PRELID2: variants seen among roughly 807,000 people sequenced by gnomAD.
PRELID2 encodes the protein PRELI domain-containing protein 2.
Under a neutral mutation model 28.4 loss-of-function variants are expected in PRELID2, and 25 were observed. The observed-to-expected ratio is 0.88, with a 90% confidence interval of 0.64 to 1.23. The LOEUF (loss-of-function observed/expected upper bound fraction) is 1.23, where lower values mean the gene tolerates loss of function less well. PRELID2 is among the 50% of genes most tolerant of loss of function. PRELID2 has a pLI of 0.00. For synonymous variants in PRELID2, 76 were observed against 71.6 expected, an observed-to-expected ratio of 1.06 and a Z score of -0.31; for missense variants, 201 against 214.4, an observed-to-expected ratio of 0.94 and a Z score of 0.39.
chr5:145,681,613 C>T (rs1448554874), intron 1 of PRELID2, among the ~76,000 whole-genome samples: 1 of 152,122 alleles, frequency 6.6e-6, no homozygotes, highest in Non-Finnish European at 1.5e-5. Context: ...TTAAGACATC[C>T]GTAAAGTGTC....
intron 4 of PRELID2, among the ~76,000 whole-genome samples, chr5:145,799,512 C>T (rs1752988409): frequency 6.6e-6 from 1 of 151,962 alleles, no homozygotes; most frequent in African/African-American, 2.4e-5. Flanking sequence ...GGCACACAGG[C>T]AAGTGGGAGT....
chr5:145,571,208 C>T (rs1397844162), intron 1 of PRELID2, among the ~76,000 whole-genome samples: 1 of 152,212 alleles, frequency 6.6e-6, no homozygotes, highest in Non-Finnish European at 1.5e-5. Context: ...GTTATCTACT[C>T]TCTTTGTGCC....
the PRELID2 span, among the ~76,000 whole-genome samples, chr5:145,416,979 T>G: frequency 0.4 from 60,347 of 151,468 alleles, 12,528 homozygotes; most frequent in Admixed American, 0.48. Flanking sequence ...AAAAAATTAG[T>G]TTTTTGAAAA....
intron 1 of PRELID2, among the ~76,000 whole-genome samples, chr5:145,660,621 C>T (rs1023842571): frequency 2.6e-5 from 4 of 152,168 alleles, no homozygotes; most frequent in Non-Finnish European, 5.9e-5. Flanking sequence ...GAACAAGCAT[C>T]AGGCCTATTG....
At chr5:145,430,458 C>T in the PRELID2 span, among the ~76,000 whole-genome samples, 1 of 152,224 alleles carries the variant, frequency 6.6e-6, no homozygotes, top group Non-Finnish European at 1.5e-5. Flanking sequence ...CATGGAAACA[C>T]TGTCTCAGAT....
the PRELID2 span, among the ~76,000 whole-genome samples, chr5:145,298,600 T>TA: frequency 1.3e-5 from 2 of 152,228 alleles, no homozygotes; most frequent in East Asian, 3.9e-4. Context: ...TTGGGCCCCT[T>TA]ATGTCTCTTG....
At chr5:145,620,404 G>C (rs1489438185) in intron 1 of PRELID2, among the ~76,000 whole-genome samples, 1 of 152,162 alleles carries the variant, frequency 6.6e-6, no homozygotes, top group African/African-American at 2.4e-5. Context: ...GACTTTGGCT[G>C]ATAATGATGA....
chr5:145,742,614 G>A (rs908997297), intron 1 of PRELID2, among the ~76,000 whole-genome samples: 12 of 146,512 alleles, frequency 8.2e-5, no homozygotes, highest in African/African-American at 2.7e-4. Context: ...GTTAGAAAGA[G>A]AATTTATAGC....
At chr5:145,262,787 C>A in the PRELID2 span, among the ~76,000 whole-genome samples, 1 of 150,838 alleles carries the variant, frequency 6.6e-6, no homozygotes, top group Non-Finnish European at 1.5e-5. Flanking sequence ...GAAAAAAAAA[C>A]ACAAAGTATT....
At chr5:145,315,970 T>A in the PRELID2 span, among the ~76,000 whole-genome samples, 2 of 152,212 alleles carry the variant, frequency 1.3e-5, no homozygotes, top group Non-Finnish European at 2.9e-5. Flanking sequence ...CTACATTTAC[T>A]ATTATCTATA....
intron 1 of PRELID2, among the ~76,000 whole-genome samples, chr5:145,576,700 T>C (rs1258820903): frequency 6.6e-6 from 1 of 151,498 alleles, no homozygotes; most frequent in Non-Finnish European, 1.5e-5. Context: ...AGATGCAGTT[T>C]GTTAAATTGT....
At chr5:145,651,237 A>C (rs1561532228) in intron 1 of PRELID2, among the ~76,000 whole-genome samples, 2 of 152,162 alleles carry the variant, frequency 1.3e-5, no homozygotes, top group Non-Finnish European at 2.9e-5. Flanking sequence ...CTGAGGCTTG[A>C]GTAGGTAAAC....
At chr5:145,327,366 A>T in the PRELID2 span, among the ~76,000 whole-genome samples, 1 of 152,090 alleles carries the variant, frequency 6.6e-6, no homozygotes, top group Non-Finnish European at 1.5e-5. Context: ...TTATTATTAT[A>T]TAATGACCTC....
At chr5:145,412,265 C>G in the PRELID2 span, among the ~76,000 whole-genome samples, 10 of 152,130 alleles carry the variant, frequency 6.6e-5, no homozygotes, top group African/African-American at 2.2e-4. Flanking sequence ...AATTTTTATG[C>G]TATATCACCT....
chr5:145,825,835 T>C (rs900999039), intron 1 of PRELID2, among the ~76,000 whole-genome samples: 3 of 152,208 alleles, frequency 2.0e-5, no homozygotes, highest in African/African-American at 7.2e-5. Context: ...TAAAGATTTA[T>C]TGAACTGAGG....
At chr5:145,565,061 T>C (rs1752954275) in intron 1 of PRELID2, among the ~76,000 whole-genome samples, 1 of 152,234 alleles carries the variant, frequency 6.6e-6, no homozygotes, top group Admixed American at 6.5e-5. Flanking sequence ...TCTGTGTTGA[T>C]CTTGCTGGGA....
In PRELID2 at chr5:145,787,531, T is replaced by C. The variant is rs79936157; in HGVS notation, c.474+8911A>G. ...GGCATGCTGTCTCAACAGGGCAATA[T>C]TGAAAAGAGGCAACAATTTTTTTTT... On this transcript the variant is annotated intron_variant, in intron 5 of 6. Coordinates refer to ENST00000683046, the MANE Select transcript of PRELID2 (RefSeq NM_205846.3). Among the ~76,000 whole-genome samples the C allele has an allele frequency of 6.8e-3, 874 of 127,996 alleles. 29 individuals are homozygous for C. Among genetic ancestry groups the C allele is most frequent in the Admixed American group, 0.053 (613 of 11,596 alleles). 84.0% of individuals were successfully genotyped at this position (127,996 alleles called of 152,430 possible).
At chr5:145,327,766 T>C in the PRELID2 span, among the ~76,000 whole-genome samples, 1 of 152,102 alleles carries the variant, frequency 6.6e-6, no homozygotes, top group Middle Eastern at 3.2e-3. Flanking sequence ...CTTTTGTGTA[T>C]CTACTGGAGG....
chr5:145,777,479 CGATCTT>C lies in PRELID2; in HGVS notation c.475-12485_475-12480del, dbSNP rs147129916. Reference sequence around the variant, plus strand: ...TGGATTCTACCACTCACCACCTGTGCGATCTTGATCTTGGGCAAGTCAACTCACTTC... The same window carrying C: ...TGGATTCTACCACTCACCACCTGTGCGATCTTGGGCAAGTCAACTCACTTC... On this transcript the variant is annotated intron_variant, in intron 5 of 6. Transcript: ENST00000683046. 6.0e-4 allele frequency among the ~76,000 whole-genome samples: 92 copies of C among 152,314 alleles called. No homozygotes were observed. The East Asian group carries it at 0.016, about 27-fold the overall frequency.
Sources: allele counts gnomAD v4.1 joint callset (sites outside exome capture counted in the v4.1 genomes callset), GRCh38; gene constraint gnomAD v4.1.1; transcripts MANE v1.5; gene names NCBI Gene and HGNC (gene_info 2026-07-23, HGNC 2026-07-21).